The following MACROD2 variants were observed in gnomAD, a reference collection of about 807,000 sequenced individuals.
MACROD2 encodes the protein mono-ADP ribosylhydrolase 2.
Under a neutral mutation model 70.4 loss-of-function variants are expected in MACROD2, and 36 were observed. The observed-to-expected ratio is 0.51, with a 90% CI of 0.39 to 0.68. MACROD2 has a LOEUF of 0.68. Ranked by LOEUF, MACROD2 falls within the 30% of genes least tolerant of loss-of-function variation. The pLI, the probability that MACROD2 is intolerant of heterozygous loss-of-function variation, is 0.00. For synonymous variants in MACROD2, 172 were observed against 178.8 expected (o/e 0.96, Z 0.30); for missense variants, 496 against 538.4 (o/e 0.92, Z 0.78).
At chr20:14,381,887 A>AAGAC (rs1187608596) in intron 3 of MACROD2, among the ~76,000 whole-genome samples, 6 of 152,188 alleles carry the variant, frequency 3.9e-5, no homozygotes, top group African/African-American at 1.4e-4. Context: ...GACAGGAAGA[A>AAGAC]AGACAGACAG....
At chr20:15,786,813 T>C (rs1187760001) in intron 8 of MACROD2, among the ~76,000 whole-genome samples, 3 of 152,176 alleles carry the variant, frequency 2.0e-5, no homozygotes, top group Admixed American at 2.0e-4. Flanking sequence ...ATGGGGATTA[T>C]AGTTATAAAT....
intron 13 of MACROD2, among the ~76,000 whole-genome samples, chr20:15,977,506 T>C (rs1030860410): frequency 9.2e-5 from 14 of 152,346 alleles, no homozygotes; most frequent in African/African-American, 3.1e-4. Flanking sequence ...TACAAGACTT[T>C]ACCTTGTTGT....
intron 3 of MACROD2, among the ~76,000 whole-genome samples, chr20:14,287,053 G>C (rs6042652): frequency 2.1e-4 from 32 of 152,022 alleles, no homozygotes; most frequent in African/African-American, 7.7e-4. Context: ...TGATAGGTCT[G>C]TTTTCTGTAG....
rs1269034419 is a variant in MACROD2 at position 15,761,650 on chromosome 20, G to C, written c.646-101095G>C. 2.0e-5 allele frequency among the ~76,000 whole-genome samples: 3 copies of C among 152,222 alleles called. No homozygotes were observed. In the East Asian group the frequency reaches 5.8e-4, roughly 29 times the overall value. ...CATGAAACTAAGACATGAGGAGACA[G>C]GGTTGGGGCTATGGTGTGGTGACTC... On this transcript the variant is annotated intron_variant, in intron 8 of 17. Transcript: ENST00000684519.
At chr20:15,872,814 T>C (rs2064604786) in intron 9 of MACROD2, among the ~76,000 whole-genome samples, 1 of 152,190 alleles carries the variant, frequency 6.6e-6, no homozygotes, top group African/African-American at 2.4e-5. Context: ...AATCTGGAGA[T>C]GAATTACATT....
chr20:14,938,119 A>G (rs912045165), intron 5 of MACROD2, among the ~76,000 whole-genome samples: 1 of 148,216 alleles, frequency 6.7e-6, no homozygotes, highest in Non-Finnish European at 1.5e-5. Context: ...TTGATTCCAT[A>G]TTTTGGCTCT....
At position 15,643,041 on chromosome 20, in the gene MACROD2, C is replaced by CAT. The variant is rs1403100743; in HGVS notation, c.645+143197_645+143198dup. Among the ~76,000 whole-genome samples the CAT allele has an allele frequency of 1.1e-4, 16 of 152,246 alleles. No individual in the cohort carries two copies. In the East Asian group the frequency reaches 1.9e-3, roughly 18 times the overall value. ...GCTTTAGCTGGAAAACAAGTTTTTC[C>CAT]ATATTGCAAGAAATAAGTGCAGTAA... On this transcript the variant is annotated intron_variant, in intron 8 of 17. Coordinates refer to ENST00000684519, the MANE Select transcript of MACROD2 (RefSeq NM_001351661.2).
rs1327068194 is a variant in MACROD2 at position 14,086,264 on chromosome 20, TGTCTA to T, written c.271+539_271+543del. On this transcript the variant is annotated intron_variant, in intron 3 of 17. Transcript: ENST00000684519. ...ATTTTAATTATTTTTAATAATTAGT[TGTCTA>T]GTTAATTTTCCTATTTCAACATTGG... 2.1e-5 allele frequency: 7 copies of T among 339,736 alleles called. 1 individual carries two copies. The highest frequency in any genetic ancestry group is 1.4e-4 in the Admixed American group (4 of 28,270). The allele number at this position is 339,736 out of a possible 1,614,324, so 21.0% of individuals were successfully genotyped here.
intron 4 of MACROD2, among the ~76,000 whole-genome samples, chr20:14,659,224 A>G (rs1986116056): frequency 6.6e-6 from 1 of 152,158 alleles, no homozygotes; most frequent in Non-Finnish European, 1.5e-5. Flanking sequence ...AATGTTAGTA[A>G]TTTTGTACTT....
chr20:14,788,535 G>A (rs139350933), intron 5 of MACROD2, among the ~76,000 whole-genome samples: 67 of 141,414 alleles, frequency 4.7e-4, no homozygotes, highest in African/African-American at 1.6e-3. Context: ...GCAGTGAGCC[G>A]AGATGTAGCC....
At chr20:14,784,670 G>T (rs966698611) in intron 5 of MACROD2, among the ~76,000 whole-genome samples, 9 of 37,002 alleles carry the variant, frequency 2.4e-4, no homozygotes, top group East Asian at 5.8e-3. Context: ...GTTTTAAGTG[G>T]GGGGGGGGGG....
At chr20:14,342,605 C>T (rs1183557516) in intron 3 of MACROD2, among the ~76,000 whole-genome samples, 2 of 152,188 alleles carry the variant, frequency 1.3e-5, no homozygotes, top group Non-Finnish European at 2.9e-5. Flanking sequence ...CCACATCTTT[C>T]TCAACAATTC....
rs1189303806 is a variant in MACROD2, at chr20:16,053,027, A to C, written c.*3151A>C. 6.6e-6 allele frequency: 1 copy of C among 152,636 alleles called. No homozygotes were observed. The highest frequency in any genetic ancestry group is 1.9e-4 in the East Asian group (1 of 5,196). The allele number at this position is 152,636 out of a possible 1,614,324, so 9.5% of individuals were successfully genotyped here. On this transcript the variant is annotated 3_prime_UTR_variant, in exon 18 of 18. Transcript: ENST00000684519. ...TTCTGATATCTGGTATAAACTGCTA[A>C]ATAGGATAATACGTGCCTCTTTTGT...
At chr20:15,977,429 C>T (rs1235651977) in intron 13 of MACROD2, among the ~76,000 whole-genome samples, 1 of 152,152 alleles carries the variant, frequency 6.6e-6, no homozygotes, top group Non-Finnish European at 1.5e-5. Context: ...CCTAAAACAT[C>T]CAGTTATCTT....
chr20:14,780,033 G>C (rs539991735), intron 5 of MACROD2, among the ~76,000 whole-genome samples: 1 of 152,068 alleles, frequency 6.6e-6, no homozygotes, highest in African/African-American at 2.4e-5. Context: ...CTGAGGTTCA[G>C]AGAGGTTGAA....
intron 3 of MACROD2, among the ~76,000 whole-genome samples, chr20:14,290,613 A>G (rs1297485440): frequency 6.6e-6 from 1 of 151,560 alleles, no homozygotes; most frequent in Non-Finnish European, 1.5e-5. Context: ...GGGTTCAGGC[A>G]ATTCTCCTGC....
intron 8 of MACROD2, among the ~76,000 whole-genome samples, chr20:15,740,052 T>C (rs1393648262): frequency 6.6e-6 from 1 of 152,234 alleles, no homozygotes; most frequent in Non-Finnish European, 1.5e-5. Flanking sequence ...CAGGTCACAT[T>C]CCAATGTAGA....
Position 15,093,859 on chromosome 20 carries a change from C to T in MACROD2, c.419-136081C>T, listed in dbSNP as rs6110514. 5.3e-3 allele frequency among the ~76,000 whole-genome samples: 803 copies of T among 152,192 alleles called. 7 individuals carry two copies. Among genetic ancestry groups the T allele is most frequent in the African/African-American group, 0.019 (782 of 41,526 alleles). On this transcript the variant is annotated intron_variant, in intron 5 of 17. Coordinates refer to ENST00000684519, the MANE Select transcript of MACROD2 (RefSeq NM_001351661.2). ...GTCAGACACTGTTCTAAGTGCTTTA[C>T]CTTATGAGGAGAAAAGGAAAAAACT...
intron 5 of MACROD2, among the ~76,000 whole-genome samples, chr20:15,017,321 A>G (rs113705725): frequency 0.15 from 22,247 of 152,176 alleles, 1,755 homozygotes; most frequent in African/African-American, 0.17. Context: ...GATCTCTTTT[A>G]ACTCCATATC....
Sources: gnomAD v4.1 joint callset for allele counts (sites outside exome capture counted in the v4.1 genomes callset) on GRCh38, gnomAD v4.1.1 for gene constraint, MANE v1.5 for transcripts, NCBI Gene and HGNC (gene_info 2026-07-23, HGNC 2026-07-21) for gene names.